TRPV4: variants seen among roughly 807,000 people sequenced by gnomAD.
TRPV4 encodes OSM9-like transient receptor potential channel 4.
A neutral mutation model predicts 84.1 loss-of-function variants in TRPV4; 58 were observed. The ratio of observed to expected loss-of-function variants is 0.69; its 90% CI spans 0.56 to 0.86. The LOEUF is 0.86. Among genes scored for constraint, TRPV4 ranks in the 40% least tolerant of loss-of-function variants. TRPV4 has a pLI of 0.00. For missense variants in TRPV4, 879 were observed against 1,181.1 expected (o/e 0.74, Z 3.75); for synonymous variants, 489 against 500.9 (o/e 0.98, Z 0.32).
rs186764203 is a variant in TRPV4 at position 109,816,102 on chromosome 12, C to T, written c.-31-1275G>A. 1.7e-3 allele frequency among the ~76,000 whole-genome samples: 261 copies of T among 152,330 alleles called. 1 individual carries two copies. The highest frequency in any genetic ancestry group is 2.7e-3 in the South Asian group (13 of 4,828). On this transcript the variant is annotated intron_variant, in intron 1 of 15. Transcript: ENST00000261740. ...TCTCACCCTTCCCACCCAATACGCA[C>T]GTAGAAAAACAAATAAACTAGTTCC...
In TRPV4 at chr12:109,798,540, G is replaced by A. The variant is rs1407305994; in HGVS notation, c.1152+74C>T. 10 of 1,569,264 alleles carry A rather than the reference G, an allele frequency of 6.4e-6. No homozygotes were observed. Among genetic ancestry groups the A allele is most frequent in the Non-Finnish European group, 8.7e-6 (10 of 1,154,584 alleles). On this transcript the variant is annotated intron_variant, in intron 6 of 15. Coordinates refer to ENST00000261740, the MANE Select transcript of TRPV4 (RefSeq NM_021625.5). The surrounding 1 kb of genome is among the most constrained non-coding windows in gnomAD (Gnocchi z 5.0). The stretch of plus-strand genomic sequence containing the variant: ...ATGCACGTATTAATAATGAATACCA[G>A]CAGCAGACCCTCGTGTGTGTGTGCA...
At chr12:109,813,086 G>A (rs1428484742) in intron 2 of TRPV4, among the ~76,000 whole-genome samples, 1 of 152,104 alleles carries the variant, frequency 6.6e-6, no homozygotes, top group Non-Finnish European at 1.5e-5. Flanking sequence ...GATTAATGGG[G>A]GACAGATGAG....
intron 7 of TRPV4, among the ~76,000 whole-genome samples, chr12:109,795,549 A>T (rs2136493126): frequency 6.6e-6 from 1 of 152,358 alleles, no homozygotes; most frequent in East Asian, 1.9e-4. Context: ...GCAATAAAGC[A>T]GCCACAGAGA....
intron 15 of TRPV4, 95 bp downstream of exon 15, chr12:109,784,221 C>A: frequency 6.3e-7 from 1 of 1,577,370 alleles, no homozygotes; most frequent in Non-Finnish European, 8.7e-7. Flanking sequence ...TCTGTAGACA[C>A]GGACACTGAG....
intron 8 of TRPV4, 100 bp from the exon 9 acceptor site, chr12:109,794,122 G>A (rs1565866110): frequency 8.5e-7 from 1 of 1,174,986 alleles, no homozygotes; most frequent in Non-Finnish European, 1.2e-6. Flanking sequence ...GCATCCCATG[G>A]AGCCTCCTCC....
Position 109,794,797 on chromosome 12 carries a change from C to T in TRPV4, c.1333-310G>A, listed in dbSNP as rs533173397. On this transcript the variant is annotated intron_variant, in intron 7 of 15. Coordinates refer to ENST00000261740, the MANE Select transcript of TRPV4 (RefSeq NM_021625.5). ...CTTTGGGAGGCCAAGACAGGCGGAT[C>T]ACCTAAGGTCAGCAGTTCAAGATCA... is the stretch of plus-strand genomic sequence containing the variant. Among the ~76,000 whole-genome samples the T allele has an allele frequency of 7.2e-5, 11 of 152,304 alleles. No individual in the cohort carries two copies. The South Asian group carries it at 2.3e-3, about 32-fold the overall frequency.
At chr12:109,831,549 G>A (rs530766528) in intron 1 of TRPV4, among the ~76,000 whole-genome samples, 21 of 152,278 alleles carry the variant, frequency 1.4e-4, no homozygotes, top group Non-Finnish European at 2.6e-4. Flanking sequence ...CCAGTGCCCA[G>A]CCCAGAGCTG....
At chr12:109,827,690 TCACATA>T (rs1203273018) in intron 1 of TRPV4, among the ~76,000 whole-genome samples, 2 of 147,432 alleles carry the variant, frequency 1.4e-5, no homozygotes, top group African/African-American at 5.1e-5. Context: ...ACATAGACAT[TCACATA>T]CACACATACA....
rs527355587 is a variant in TRPV4, at chr12:109,814,684, T to C, written c.113A>G (p.Asn38Ser). ...GGAGCCATCCTCCCCCTCAAACAGA[T>C]TGGCCAGGGAGGAGAGAGGAAAAGC... ...GEAFPLSSLA[N>S]LFEGEDGSLS... The change falls in exon 2 of 16, where the codon AAT becomes AGT. Residue 38 changes from asparagine to serine, a missense_variant. By Grantham distance (46) the Asn-to-Ser change is conservative (BLOSUM62 1). This residue lies in a region of TRPV4 where 107 missense variants were observed against 99.4 expected (regional missense o/e 1.08). Coordinates refer to ENST00000261740, the MANE Select transcript of TRPV4 (RefSeq NM_021625.5). The surrounding 1 kb of genome is among the most constrained non-coding windows in gnomAD (Gnocchi z 5.4). 3.7e-6 allele frequency: 6 copies of C among 1,612,214 alleles called. No homozygotes were observed. In the African/African-American group the frequency reaches 5.3e-5, roughly 14 times the overall value.
At chr12:109,813,739 A>C (rs1891674317) in intron 2 of TRPV4, among the ~76,000 whole-genome samples, 1 of 151,484 alleles carries the variant, frequency 6.6e-6, no homozygotes, top group African/African-American at 2.4e-5. Flanking sequence ...TGGATGGATG[A>C]TGGGTGGATA....
intron 1 of TRPV4, among the ~76,000 whole-genome samples, chr12:109,822,315 C>A (rs1592872144): frequency 6.6e-6 from 1 of 152,150 alleles, no homozygotes; most frequent in East Asian, 1.9e-4. Context: ...CACCCTGGGG[C>A]TCCTTAGCCA....
intron 2 of TRPV4, among the ~76,000 whole-genome samples, chr12:109,812,894 A>T (rs966958298): frequency 1.8e-4 from 27 of 152,174 alleles, no homozygotes; most frequent in African/African-American, 5.8e-4. Context: ...AGATATTTTA[A>T]TGAGTGGACA....
At chr12:109,792,301 A>G in intron 12 of TRPV4, 62 bp downstream of exon 12, 1 of 1,384,880 alleles carries the variant, frequency 7.2e-7, no homozygotes, top group Non-Finnish European at 1.0e-6. Context: ...CCTATACATC[A>G]TGGCTACTGT....
chr12:109,833,159 CG>C (rs1295657937), intron 1 of TRPV4, among the ~76,000 whole-genome samples, 190 bp downstream of exon 1: 4 of 152,196 alleles, frequency 2.6e-5, no homozygotes, highest in Non-Finnish European at 5.9e-5. Context: ...CCCAAAGAGC[CG>C]GTGTCCGGCC....
In TRPV4 at chr12:109,798,783, A is replaced by G. The variant is rs1890586214; in HGVS notation, c.983T>C (p.Leu328Pro). 1 of 1,614,226 alleles carries G rather than the reference A, an allele frequency of 6.2e-7. No homozygotes were observed. Among genetic ancestry groups the G allele is most frequent in the Non-Finnish European group, 8.5e-7 (1 of 1,180,054 alleles). The change falls in exon 6 of 16, where the codon CTG becomes CCG. Residue 328 changes from leucine (L) to proline (P), a missense_variant. Around this residue, in one of 4 missense-constraint regions of TRPV4, gnomAD observed 521 missense variants for 686.6 expected, o/e 0.76. Coordinates refer to ENST00000261740, the MANE Select transcript of TRPV4 (RefSeq NM_021625.5). The surrounding 1 kb of genome is among the most constrained non-coding windows in gnomAD (Gnocchi z 5.0). ...DSRGNTVLHA[L>P]VAIADNTREN... Reference sequence around the variant, plus strand: ...ACGGGTGTTGTCAGCAATGGCCACCAGCGCATGCAGCACTGTGTTGCCTCG... The same window carrying G: ...ACGGGTGTTGTCAGCAATGGCCACCGGCGCATGCAGCACTGTGTTGCCTCG...
intron 1 of TRPV4, among the ~76,000 whole-genome samples, chr12:109,820,516 A>ATTTTTTTTTT (rs1166251387): frequency 5.4e-5 from 5 of 92,396 alleles, no homozygotes; most frequent in African/African-American, 2.0e-4. Context: ...CAGCTGCCCT[A>ATTTTTTTTTT]TTTTTTTTTT....
chr12:109,819,400 C>T (rs1387484093), intron 1 of TRPV4, among the ~76,000 whole-genome samples: 1 of 152,152 alleles, frequency 6.6e-6, no homozygotes, highest in Non-Finnish European at 1.5e-5. Flanking sequence ...GTGGGCCCTT[C>T]GTTCCCGCAC....
At chr12:109,828,848 C>T (rs1892337648) in intron 1 of TRPV4, among the ~76,000 whole-genome samples, 1 of 152,072 alleles carries the variant, frequency 6.6e-6, no homozygotes, top group African/African-American at 2.4e-5. Context: ...TAAAATGGGG[C>T]TCAGCATTCC....
At position 109,814,609 on chromosome 12, in the gene TRPV4, C is replaced by A; in HGVS notation, c.188G>T (p.Gly63Val). The change falls in exon 2 of 16, where the codon GGG (glycine) becomes GTG (valine). Residue 63 changes from glycine (G) to valine (V), a missense_variant. By Grantham distance (109) the Gly-to-Val change is moderately radical. Around this residue, in one of 4 missense-constraint regions of TRPV4, gnomAD observed 107 missense variants for 99.4 expected, o/e 1.08. Transcript: ENST00000261740. This position sits in a 1 kb window ranked among gnomAD's most constrained non-coding sequence, Gnocchi z 5.4. ...DASRPAGPGD[G>V]RPNLRMKFQG... ...GAACTTCATGCGCAGATTTGGTCGC[C>A]CATCGCCTGGGCCAGCAGGGCGACT... 1 of 1,614,044 alleles carries A rather than the reference C, an allele frequency of 6.2e-7. No individual in the cohort carries two copies. Among genetic ancestry groups the A allele is most frequent in the Non-Finnish European group, 8.5e-7 (1 of 1,180,008 alleles).
Sources: gnomAD v4.1 joint callset for allele counts (sites outside exome capture counted in the v4.1 genomes callset) on GRCh38, gnomAD v4.1.1 for gene constraint, gnomAD v4.1.1 regional missense constraint, Gnocchi (gnomAD v3.1) non-coding constraint, MANE v1.5 for transcripts, NCBI Gene and HGNC (gene_info 2026-07-23, HGNC 2026-07-21) for gene names.